DLG2: variants seen among roughly 807,000 people sequenced by gnomAD.
DLG2 encodes discs large MAGUK scaffold protein 2.
DLG2 carries 45 observed loss-of-function variants against 132.5 expected under a neutral mutation model. The observed-to-expected ratio is 0.34, with a 90% CI of 0.27 to 0.44. The LOEUF (loss-of-function observed/expected upper bound fraction) is 0.44, where lower values mean the gene tolerates loss of function less well. DLG2 is among the 20% of genes least tolerant of loss of function. The pLI, the probability that DLG2 is intolerant of heterozygous loss-of-function variation, is 1.00. For synonymous variants in DLG2, 424 were observed against 419.6 expected (o/e 1.01, Z -0.13); for missense variants, 1,045 against 1,196.9 (o/e 0.87, Z 1.87).
In DLG2 at chr11:84,322,108, C is replaced by A. The variant is rs2154397298; in HGVS notation, c.520-70817G>T. 2.0e-5 allele frequency among the ~76,000 whole-genome samples: 3 copies of A among 152,318 alleles called. 1 individual carries two copies. In the Middle Eastern group the frequency reaches 0.01, roughly 518 times the overall value. On this transcript the variant is annotated intron_variant, in intron 7 of 27. Transcript: ENST00000376104. ...TTTGAACTCAGCACAAAGTGTTTAACCCTAATTGAAATAAATCAAACATGG... is the reference window on the plus strand; with the variant it reads ...TTTGAACTCAGCACAAAGTGTTTAAACCTAATTGAAATAAATCAAACATGG...
chr11:84,732,071 A>T (rs951291274), intron 6 of DLG2, among the ~76,000 whole-genome samples: 7 of 152,060 alleles, frequency 4.6e-5, no homozygotes, highest in Admixed American at 1.3e-4. Context: ...TCCACTCAAC[A>T]TATCTATTCT....
At chr11:84,119,949 G>A (rs1326997758) in intron 9 of DLG2, among the ~76,000 whole-genome samples, 1 of 152,172 alleles carries the variant, frequency 6.6e-6, no homozygotes, top group Non-Finnish European at 1.5e-5. Flanking sequence ...TTTTCTTTGT[G>A]TGGAAGATGT....
intron 21 of DLG2, among the ~76,000 whole-genome samples, chr11:83,501,032 GA>G (rs151248218): frequency 6.6e-6 from 1 of 151,902 alleles, no homozygotes; most frequent in Non-Finnish European, 1.5e-5. Flanking sequence ...AAGTAAAGAA[GA>G]AAAAACCTTT....
intron 18 of DLG2, among the ~76,000 whole-genome samples, chr11:83,720,072 C>T (rs1304080206): frequency 2.6e-5 from 4 of 151,844 alleles, no homozygotes; most frequent in Non-Finnish European, 4.4e-5. Flanking sequence ...GTGGACGGAT[C>T]ACCTGAGGTC....
chr11:85,421,040 T>C (rs2090264135), intron 3 of DLG2, among the ~76,000 whole-genome samples: 1 of 152,144 alleles, frequency 6.6e-6, no homozygotes, highest in African/African-American at 2.4e-5. Context: ...TGCCACTAGC[T>C]CAGTGTCCAA....
chr11:84,456,422 G>T (rs2099065494), intron 7 of DLG2, among the ~76,000 whole-genome samples: 1 of 151,248 alleles, frequency 6.6e-6, no homozygotes, highest in Admixed American at 6.6e-5. Context: ...TTTGATATGT[G>T]CAAGGCATTG....
intron 7 of DLG2, among the ~76,000 whole-genome samples, chr11:84,380,153 C>T (rs1169638127): frequency 2.6e-5 from 4 of 151,942 alleles, no homozygotes; most frequent in African/African-American, 4.8e-5. Flanking sequence ...ATGACCATTA[C>T]TGAAATTTCA....
chr11:85,490,306 G>C (rs1239760516), intron 3 of DLG2, among the ~76,000 whole-genome samples: 1 of 151,940 alleles, frequency 6.6e-6, no homozygotes, highest in Non-Finnish European at 1.5e-5. Flanking sequence ...TATTTTTGTA[G>C]AAAATAGTGA....
At chr11:83,976,085 T>G (rs1335254767) in intron 12 of DLG2, among the ~76,000 whole-genome samples, 3 of 151,852 alleles carry the variant, frequency 2.0e-5, no homozygotes, top group African/African-American at 7.2e-5. Context: ...GTACCCAATA[T>G]GGATGGTATG....
At chr11:84,820,914 A>G (rs1428757489) in intron 6 of DLG2, among the ~76,000 whole-genome samples, 4 of 151,900 alleles carry the variant, frequency 2.6e-5, no homozygotes, top group Admixed American at 6.6e-5. Flanking sequence ...TTCTCATTCT[A>G]CTTTGTGTTA....
At chr11:85,155,879 C>T (rs946574003) in intron 4 of DLG2, among the ~76,000 whole-genome samples, 11 of 151,596 alleles carry the variant, frequency 7.3e-5, no homozygotes, top group African/African-American at 2.7e-4. Context: ...AAAAAAAATC[C>T]CCTCACTTTA....
intron 3 of DLG2, among the ~76,000 whole-genome samples, chr11:85,564,933 G>C (rs1484413285): frequency 6.6e-6 from 1 of 151,956 alleles, no homozygotes; most frequent in African/African-American, 2.4e-5. Flanking sequence ...AAGTTTTATA[G>C]TTTTCAGTGA....
intron 7 of DLG2, among the ~76,000 whole-genome samples, chr11:84,502,186 T>TTCTCTATCTCTC (rs1555630793): frequency 1.6e-4 from 2 of 12,880 alleles, no homozygotes; most frequent in Non-Finnish European, 4.0e-4. Context: ...TTCTCTCTCT[T>TTCTCTATCTCTC]TCTCTCTCTC....
chr11:85,349,110 G>A (rs777759766), intron 3 of DLG2, among the ~76,000 whole-genome samples: 7 of 152,054 alleles, frequency 4.6e-5, no homozygotes, highest in African/African-American at 9.7e-5. Flanking sequence ...TCTTTCTTTG[G>A]AATTCAGGCT....
At chr11:84,129,372 C>G (rs943834514) in intron 9 of DLG2, among the ~76,000 whole-genome samples, 1 of 152,050 alleles carries the variant, frequency 6.6e-6, no homozygotes, top group African/African-American at 2.4e-5. Flanking sequence ...TTGAATTTTC[C>G]AGGGTGATCT....
chr11:83,922,024 T>G (rs2078034830), intron 15 of DLG2, among the ~76,000 whole-genome samples: 1 of 152,148 alleles, frequency 6.6e-6, no homozygotes, highest in East Asian at 1.9e-4. Flanking sequence ...TGGGTTGTTG[T>G]GCAGAGTAAA....
At chr11:83,772,244 C>G (rs116014823) in intron 18 of DLG2, among the ~76,000 whole-genome samples, 1,828 of 151,616 alleles carry the variant, frequency 0.012, 32 homozygotes, top group African/African-American at 0.041. Flanking sequence ...CCCGTTGCTA[C>G]CAAAAATAGA....
chr11:85,533,368 G>A (rs1328051554), intron 3 of DLG2, among the ~76,000 whole-genome samples: 1 of 151,186 alleles, frequency 6.6e-6, no homozygotes, highest in African/African-American at 2.4e-5. Flanking sequence ...GCTAAGGTGT[G>A]CCTTTGGTTT....
chr11:85,167,697 T>C (rs2078560555), intron 4 of DLG2, among the ~76,000 whole-genome samples: 1 of 152,150 alleles, frequency 6.6e-6, no homozygotes, highest in Non-Finnish European at 1.5e-5. Flanking sequence ...AGCATAAAAA[T>C]ACACAGGTTT....
Sources: gnomAD v4.1 joint callset for allele counts (sites outside exome capture counted in the v4.1 genomes callset) on GRCh38, gnomAD v4.1.1 for gene constraint, MANE v1.5 for transcripts, NCBI Gene and HGNC (gene_info 2026-07-23, HGNC 2026-07-21) for gene names.